Variants in ADSL observed in about 807,000 individuals in gnomAD.
ADSL encodes adenylosuccinate lyase.
A neutral mutation model predicts 62.1 loss-of-function variants in ADSL; 44 were observed. That is an observed-to-expected ratio of 0.71 (90% CI 0.56 to 0.91). The LOEUF (loss-of-function observed/expected upper bound fraction) is 0.91. Ranked by LOEUF, ADSL falls within the 40% of genes least tolerant of loss-of-function variation. The pLI is 0.00. For missense variants in ADSL, 531 were observed against 627.4 expected (o/e 0.85, Z 1.64); for synonymous variants, 198 against 220.5 (o/e 0.90, Z 0.90).
chr22:40,374,703 G>A (rs773155753), intron 2 of ADSL, among the ~76,000 whole-genome samples: 5 of 152,202 alleles, frequency 3.3e-5, no homozygotes, highest in African/African-American at 7.2e-5. Context: ...GCAACATGGC[G>A]AAATGCCATC....
chr22:40,349,608 T>C (rs1423565571), intron 1 of ADSL, among the ~76,000 whole-genome samples: 1 of 152,108 alleles, frequency 6.6e-6, no homozygotes, highest in African/African-American at 2.4e-5. Context: ...GGAGCTTTGT[T>C]ATAGTATACT....
chr22:40,372,119 C>T (rs376278455), downstream of ADSL, among the ~76,000 whole-genome samples: 3 of 120,594 alleles, frequency 2.5e-5, no homozygotes, highest in African/African-American at 6.6e-5. Context: ...CTGTCCCCCC[C>T]CCCTTTTTTT....
At chr22:40,375,392 C>A (rs2046379839) in intron 2 of ADSL, among the ~76,000 whole-genome samples, 1 of 152,110 alleles carries the variant, frequency 6.6e-6, no homozygotes, top group Non-Finnish European at 1.5e-5. Context: ...CTAGCCTGGA[C>A]AACATGGTAA....
chr22:40,367,161 G>A lies in ADSL; in HGVS notation c.*639G>A, dbSNP rs2045031228. The A allele has an allele frequency of 6.5e-6, 1 of 153,334 alleles. No homozygotes were observed. Among genetic ancestry groups the A allele is most frequent in the African/African-American group, 2.4e-5 (1 of 41,382 alleles). 9.5% of individuals were successfully genotyped at this position (153,334 alleles called of 1,614,324 possible). A position where few individuals can be genotyped will look rare whatever the true frequency, so the allele number is the denominator to read the frequency against. On this transcript the variant is annotated 3_prime_UTR_variant, in exon 13 of 13. Transcript: ENST00000623063. Reference sequence around the variant, plus strand: ...TCCTTGTTGCATGGATTTTGTTGTTGAGGCTTGCTCTGTCACCCAGACTAG... The same window carrying A: ...TCCTTGTTGCATGGATTTTGTTGTTAAGGCTTGCTCTGTCACCCAGACTAG...
rs755335917 is a variant in ADSL, at chr22:40,346,535, C to A, written c.-24C>A. Reference sequence around the variant, plus strand: ...TTCCGCTCTTCCCTGGTCCAGTCCACCCTGGCGGGGTCGCAGGGTTGGGAT... The same window carrying A: ...TTCCGCTCTTCCCTGGTCCAGTCCAACCTGGCGGGGTCGCAGGGTTGGGAT... On this transcript the variant is annotated 5_prime_UTR_variant, in exon 1 of 13. Coordinates refer to ENST00000623063, the MANE Select transcript of ADSL (RefSeq NM_000026.4). 2 of 1,595,406 alleles carry A rather than the reference C, an allele frequency of 1.3e-6. No individual in the cohort carries two copies. Among genetic ancestry groups the A allele is most frequent in the Non-Finnish European group, 1.7e-6 (2 of 1,174,156 alleles).
chr22:40,353,677 G>C (rs1439759289), intron 3 of ADSL: 1 of 306,316 alleles, frequency 3.3e-6, no homozygotes, highest in African/African-American at 2.5e-5. Context: ...CCAGGCTGGA[G>C]TGCAGTGGCA....
chr22:40,346,565 G>A lies in ADSL; in HGVS notation c.7G>A (p.Ala3Thr), dbSNP rs1389806424. Residue 3 changes from alanine to threonine, a missense_variant, in exon 1 of 13, where the codon GCT becomes ACT. Coordinates refer to ENST00000623063, the MANE Select transcript of ADSL (RefSeq NM_000026.4). ...GCGGGGTCGCAGGGTTGGGATGGCG[G>A]CTGGAGGCGATCATGGTTCGCCCGA... MA[A>T]GGDHGSPDSY... The A allele has an allele frequency of 3.1e-6, 5 of 1,603,638 alleles. No individual in the cohort carries two copies. In the African/African-American group the frequency reaches 4.0e-5, roughly 13 times the overall value.
intron 2 of ADSL, among the ~76,000 whole-genome samples, chr22:40,385,978 G>A (rs748056113): frequency 1.1e-4 from 16 of 151,834 alleles, no homozygotes; most frequent in Non-Finnish European, 1.8e-4. Context: ...CAACTTCCCA[G>A]GTAGCTGGGA....
At chr22:40,353,375 C>T (rs1331200324) in intron 3 of ADSL, 1 of 702,518 alleles carries the variant, frequency 1.4e-6, no homozygotes, top group East Asian at 2.7e-5. Flanking sequence ...TTATTGCAAC[C>T]TCCGCCTCCC....
downstream of ADSL, chr22:40,372,587 T>C (rs1028664378): frequency 1.3e-5 from 2 of 152,138 alleles, no homozygotes; most frequent in African/African-American, 4.8e-5. Context: ...ACCTCGTGAA[T>C]TTGGAAACAT....
Position 40,364,273 on chromosome 22 carries a change from T to C in ADSL, c.1102-3T>C. On this transcript the variant is annotated splice_polypyrimidine_tract_variant and splice_region_variant and intron_variant, in intron 10 of 12. Transcript: ENST00000623063. ...TGGTCATTCACCGTATCTTTTCCTATAGGTAATTGAACGGCGCATTCGGCA... is the reference window on the plus strand; with the variant it reads ...TGGTCATTCACCGTATCTTTTCCTACAGGTAATTGAACGGCGCATTCGGCA... The C allele has an allele frequency of 6.2e-7, 1 of 1,613,596 alleles. No individual in the cohort carries two copies. The highest frequency in any genetic ancestry group is 8.5e-7 in the Non-Finnish European group (1 of 1,179,748).
chr22:40,353,138 T>C lies in ADSL; in HGVS notation c.402+21T>C, dbSNP rs1033903988. The C allele has an allele frequency of 3.7e-6, 6 of 1,604,566 alleles. No individual in the cohort carries two copies. The African/African-American group carries it at 8.0e-5, about 21-fold the overall frequency. On this transcript the variant is annotated intron_variant, in intron 3 of 12. Coordinates refer to ENST00000623063, the MANE Select transcript of ADSL (RefSeq NM_000026.4). Reference sequence around the variant, plus strand: ...CAAAGGTAAGGAGTTGGCAGATGTTTCCTACCAACCCTAGATTCCCTATGT... The same window carrying C: ...CAAAGGTAAGGAGTTGGCAGATGTTCCCTACCAACCCTAGATTCCCTATGT...
At chr22:40,360,029 G>A (rs546915178) in intron 6 of ADSL, among the ~76,000 whole-genome samples, 1 of 152,302 alleles carries the variant, frequency 6.6e-6, no homozygotes, top group South Asian at 2.1e-4. Context: ...CTATTGGGCT[G>A]TGGCCAGACA....
intron 9 of ADSL, among the ~76,000 whole-genome samples, 197 bp downstream of exon 9, chr22:40,361,832 C>T (rs780716670): frequency 3.3e-5 from 5 of 152,114 alleles, no homozygotes; most frequent in Non-Finnish European, 7.3e-5. Flanking sequence ...TACTGTGGAG[C>T]AAAGAGGAAG....
intron 7 of ADSL, chr22:40,360,990 C>G (rs140959148): frequency 2.2e-6 from 1 of 459,362 alleles, no homozygotes; most frequent in Non-Finnish European, 4.1e-6. Context: ...TGTGAGCCAC[C>G]GCGCCCATCC....
intron 3 of ADSL, chr22:40,353,323 C>A: frequency 1.4e-6 from 1 of 704,504 alleles, no homozygotes; most frequent in Non-Finnish European, 2.6e-6. Context: ...TCTTCTTCTT[C>A]TTGAGCCAGA....
chr22:40,350,512 C>G (rs1031773012), intron 2 of ADSL, among the ~76,000 whole-genome samples: 4 of 152,112 alleles, frequency 2.6e-5, no homozygotes, highest in Non-Finnish European at 5.9e-5. Context: ...ACTGTAAGCA[C>G]CAAATGACCT....
At chr22:40,353,755 A>T (rs1284530719) in intron 3 of ADSL, 2 of 261,472 alleles carry the variant, frequency 7.6e-6, no homozygotes, top group Non-Finnish European at 1.5e-5. Context: ...CCTCCCGAAC[A>T]GCTGGGACTA....
intron 10 of ADSL, among the ~76,000 whole-genome samples, chr22:40,363,824 G>A (rs897213521): frequency 5.9e-5 from 9 of 151,998 alleles, no homozygotes; most frequent in African/African-American, 2.2e-4. Context: ...ACAGGGCGCG[G>A]TGGCTTACGC....
Sources: gnomAD v4.1 joint callset for allele counts (sites outside exome capture counted in the v4.1 genomes callset) on GRCh38, gnomAD v4.1.1 for gene constraint, MANE v1.5 for transcripts, NCBI Gene and HGNC (gene_info 2026-07-23, HGNC 2026-07-21) for gene names.